Variants in WWOX observed in about 807,000 individuals in gnomAD.
WWOX encodes WW domain containing oxidoreductase, also known as WW domain-containing oxidoreductase.
WWOX carries 69 observed loss-of-function variants against 46.2 expected under a neutral mutation model. That is an observed-to-expected ratio of 1.49 (90% CI 1.23 to 1.82). The LOEUF (loss-of-function observed/expected upper bound fraction) is 1.82, where lower values mean the gene tolerates loss of function less well. WWOX is among the 40% of genes most tolerant of loss of function. The pLI is 0.00. For missense variants in WWOX, 919 were observed against 542.6 expected (o/e 1.69, Z -6.89); for synonymous variants, 359 against 202.6 (o/e 1.77, Z -6.56).
At chr16:78,437,436 G>A (rs2083358407) in intron 8 of WWOX, among the ~76,000 whole-genome samples, 1 of 152,170 alleles carries the variant, frequency 6.6e-6, no homozygotes, top group South Asian at 2.1e-4. Flanking sequence ...AATTGTTGCT[G>A]TAAATGCATT....
chr16:78,568,028 G>A (rs1310784238), intron 8 of WWOX, among the ~76,000 whole-genome samples: 3 of 152,162 alleles, frequency 2.0e-5, no homozygotes, highest in Non-Finnish European at 4.4e-5. Flanking sequence ...AATTGAAGGC[G>A]GCAGGAGTCT....
At chr16:79,143,446 G>A (rs958107194) in intron 8 of WWOX, among the ~76,000 whole-genome samples, 2 of 152,190 alleles carry the variant, frequency 1.3e-5, no homozygotes, top group Non-Finnish European at 2.9e-5. Flanking sequence ...GAACGGTGGT[G>A]TATTCTGTGG....
chr16:78,103,349 C>T (rs1449234962), intron 1 of WWOX, among the ~76,000 whole-genome samples: 3 of 151,274 alleles, frequency 2.0e-5, no homozygotes, highest in Non-Finnish European at 4.4e-5. Flanking sequence ...TGGTGACTTG[C>T]TGCACTTGTC....
At chr16:78,920,505 A>C (rs1418374579) in intron 8 of WWOX, among the ~76,000 whole-genome samples, 1 of 152,136 alleles carries the variant, frequency 6.6e-6, no homozygotes, top group African/African-American at 2.4e-5. Context: ...CTGCATCCCC[A>C]ACCCAGCCCT....
intron 8 of WWOX, among the ~76,000 whole-genome samples, chr16:78,485,951 G>T (rs189467455): frequency 1.4e-4 from 21 of 152,304 alleles, no homozygotes; most frequent in African/African-American, 4.8e-4. Context: ...AATTATTATT[G>T]TACAGATTTA....
At chr16:78,313,509 G>A (rs916671658) in intron 5 of WWOX, among the ~76,000 whole-genome samples, 1 of 152,162 alleles carries the variant, frequency 6.6e-6, no homozygotes, top group East Asian at 1.9e-4. Context: ...GAGATTACAG[G>A]CATGTGCCAC....
intron 8 of WWOX, among the ~76,000 whole-genome samples, chr16:79,076,078 A>T (rs2048650670): frequency 6.6e-6 from 1 of 152,210 alleles, no homozygotes; most frequent in South Asian, 2.1e-4. Flanking sequence ...GTTACTTAGA[A>T]GATTTGAGCC....
intron 8 of WWOX, among the ~76,000 whole-genome samples, chr16:79,159,226 G>T (rs1055931080): frequency 3.3e-5 from 5 of 152,168 alleles, no homozygotes; most frequent in Non-Finnish European, 7.3e-5. Context: ...AATTACCAGG[G>T]CAGCCTCTGA....
chr16:78,632,313 G>T (rs573588024), intron 8 of WWOX, among the ~76,000 whole-genome samples: 1 of 152,114 alleles, frequency 6.6e-6, no homozygotes, highest in Non-Finnish European at 1.5e-5. Context: ...ACTAAAACAC[G>T]TAGAATAGTA....
At chr16:78,592,016 A>AG (rs1448925703) in intron 8 of WWOX, among the ~76,000 whole-genome samples, 1 of 152,190 alleles carries the variant, frequency 6.6e-6, no homozygotes, top group African/African-American at 2.4e-5. Context: ...TTATCCCTCA[A>AG]GGTAAGCATC....
At chr16:78,561,873 C>G (rs984312490) in intron 8 of WWOX, among the ~76,000 whole-genome samples, 3 of 152,142 alleles carry the variant, frequency 2.0e-5, no homozygotes, top group Admixed American at 6.5e-5. Flanking sequence ...TAGTTGGTCT[C>G]TTGAGTGACC....
Position 79,211,809 on chromosome 16 carries a change from G to A in WWOX, c.*13G>A. On this transcript the variant is annotated 3_prime_UTR_variant, in exon 9 of 9. Coordinates refer to ENST00000566780, the MANE Select transcript of WWOX (RefSeq NM_016373.4). ...CCAGTCCGGCTAAGTGGAGCTCAGA[G>A]CGGATGGGCACACACACCCGCCCTG... is the stretch of plus-strand genomic sequence containing the variant. 1 of 1,613,978 alleles carries A rather than the reference G, an allele frequency of 6.2e-7. No individual in the cohort carries two copies. The highest frequency in any genetic ancestry group is 2.2e-5 in the East Asian group (1 of 44,868).
At chr16:78,468,901 T>C (rs972135636) in intron 8 of WWOX, among the ~76,000 whole-genome samples, 9 of 152,258 alleles carry the variant, frequency 5.9e-5, no homozygotes, top group Non-Finnish European at 1.0e-4. Context: ...TTTCCCTTTG[T>C]AACCTGTAAC....
chr16:78,764,351 G>A (rs186839935), intron 8 of WWOX, among the ~76,000 whole-genome samples: 14 of 151,426 alleles, frequency 9.2e-5, no homozygotes, highest in African/African-American at 3.4e-4. Context: ...AATTCCCTGT[G>A]AGCTTGACAC....
chr16:78,516,837 T>A (rs143016686), intron 8 of WWOX, among the ~76,000 whole-genome samples: 1 of 152,330 alleles, frequency 6.6e-6, no homozygotes, highest in East Asian at 1.9e-4. Context: ...GGACACATCA[T>A]TGAGGCTGAA....
At chr16:78,754,494 C>T (rs1229072339) in intron 8 of WWOX, among the ~76,000 whole-genome samples, 1 of 152,152 alleles carries the variant, frequency 6.6e-6, no homozygotes, top group Non-Finnish European at 1.5e-5. Flanking sequence ...TTTTCCTCAC[C>T]TTCCTGGATT....
At chr16:79,029,821 A>G (rs1242086718) in intron 8 of WWOX, among the ~76,000 whole-genome samples, 1 of 152,230 alleles carries the variant, frequency 6.6e-6, no homozygotes, top group Non-Finnish European at 1.5e-5. Flanking sequence ...TAAAGACTGT[A>G]GATTCATCAA....
chr16:78,531,973 A>G lies in WWOX; in HGVS notation c.1056+99221A>G, dbSNP rs182734499. The stretch of plus-strand genomic sequence containing the variant: ...CAAAAGGGTGGGAAATTTTTAAAGT[A>G]AAGTAATAAACAAATAAGTTTTGGG... On this transcript the variant is annotated intron_variant, in intron 8 of 8. Transcript: ENST00000566780. 7.4e-4 allele frequency among the ~76,000 whole-genome samples: 112 copies of G among 152,272 alleles called. 1 individual carries two copies. Among genetic ancestry groups the G allele is most frequent in the African/African-American group, 2.5e-3 (103 of 41,584 alleles).
At chr16:78,822,212 G>T (rs948434514) in intron 8 of WWOX, among the ~76,000 whole-genome samples, 1 of 152,142 alleles carries the variant, frequency 6.6e-6, no homozygotes, top group African/African-American at 2.4e-5. Context: ...ATCTACGTGA[G>T]GCCAGGTGTG....
Sources: gnomAD v4.1 joint callset for allele counts (sites outside exome capture counted in the v4.1 genomes callset) on GRCh38, gnomAD v4.1.1 for gene constraint, MANE v1.5 for transcripts, NCBI Gene and HGNC (gene_info 2026-07-23, HGNC 2026-07-21) for gene names.